ITPR2: variants seen among roughly 807,000 people sequenced by gnomAD.
ITPR2 encodes the protein inositol 1,4,5-trisphosphate receptor type 2.
ITPR2 carries 207 observed loss-of-function variants against 317.1 expected under a neutral mutation model. The observed-to-expected ratio is 0.65, with a 90% confidence interval of 0.58 to 0.73. The LOEUF is 0.73. Ranked by LOEUF, ITPR2 falls within the 30% of genes least tolerant of loss-of-function variation. The pLI is 0.00. For synonymous variants in ITPR2, 1,156 were observed against 1,149.1 expected (o/e 1.01, Z -0.12); for missense variants, 2,613 against 3,284.0 (o/e 0.80, Z 4.99).
chr12:26,385,832 A>G (rs945473055), intron 55 of ITPR2, among the ~76,000 whole-genome samples: 2 of 149,656 alleles, frequency 1.3e-5, no homozygotes, highest in African/African-American at 4.9e-5. Context: ...ACCTGCTCTC[A>G]TTGGATGCCA....
At chr12:26,578,606 TG>T in intron 34 of ITPR2, 106 bp downstream of exon 34, 1 of 969,140 alleles carries the variant, frequency 1.0e-6, no homozygotes, top group East Asian at 2.5e-5. Context: ...GAAAACATAC[TG>T]GTTTTCTTAA....
intron 5 of ITPR2, among the ~76,000 whole-genome samples, chr12:26,722,170 T>C (rs1003594889): frequency 3.3e-5 from 5 of 152,238 alleles, no homozygotes; most frequent in African/African-American, 9.6e-5. Context: ...AGTTCTTTCA[T>C]ACAAATTCTA....
At chr12:26,702,315 C>A (rs892240999) in intron 9 of ITPR2, among the ~76,000 whole-genome samples, 2 of 121,352 alleles carry the variant, frequency 1.6e-5, no homozygotes, top group Non-Finnish European at 3.2e-5. Context: ...GATCAAAAAT[C>A]TTTATCTTGT....
At chr12:26,342,994 G>C (rs751134009) in intron 55 of ITPR2, among the ~76,000 whole-genome samples, 10 of 152,032 alleles carry the variant, frequency 6.6e-5, no homozygotes, top group Non-Finnish European at 1.0e-4. Flanking sequence ...CAGGATGCTT[G>C]GTTTGGTGTC....
chr12:26,509,897 A>C lies in ITPR2; in HGVS notation c.5074-14637T>G, dbSNP rs1943285831. Among the ~76,000 whole-genome samples the C allele has an allele frequency of 4.0e-5, 6 of 150,686 alleles. No homozygotes were observed. In the Admixed American group the frequency reaches 4.0e-4, roughly 10 times the overall value. On this transcript the variant is annotated intron_variant, in intron 37 of 56. Transcript: ENST00000381340. ...GTTCACAAAATATGTTAGTTAAAAA[A>C]GCCCTCATCTTCCTAAAAAAAGATC...
intron 39 of ITPR2, among the ~76,000 whole-genome samples, chr12:26,491,675 A>G: frequency 7.0e-6 from 1 of 143,558 alleles, no homozygotes; most frequent in African/African-American, 2.8e-5. Flanking sequence ...TATGAGGGAT[A>G]TTAAGGGGGC....
intron 45 of ITPR2, among the ~76,000 whole-genome samples, chr12:26,450,196 C>T (rs961728582): frequency 6.6e-6 from 1 of 152,158 alleles, no homozygotes; most frequent in Non-Finnish European, 1.5e-5. Flanking sequence ...TTAGGACTTT[C>T]GGCTTCCAGA....
At chr12:26,534,121 T>C (rs1944019866) in intron 37 of ITPR2, among the ~76,000 whole-genome samples, 1 of 152,228 alleles carries the variant, frequency 6.6e-6, no homozygotes, top group South Asian at 2.1e-4. Flanking sequence ...GTCAGTGGCC[T>C]TCCAGAAGTA....
At position 26,340,114 on chromosome 12, in the gene ITPR2, G is replaced by A. The variant is rs889432528; in HGVS notation, c.8019+53C>T. On this transcript the variant is annotated intron_variant, in intron 56 of 56. Coordinates refer to ENST00000381340, the MANE Select transcript of ITPR2 (RefSeq NM_002223.4). ...CTGGACCCTCTGTCTCCCCTCACCG[G>A]AAGTGGTGAATGACTTTATCCCACC... 18 of 1,490,712 alleles carry A rather than the reference G, an allele frequency of 1.2e-5. No individual in the cohort carries two copies. The African/African-American group carries it at 2.4e-4, about 20-fold the overall frequency. 92.3% of individuals were successfully genotyped at this position (1,490,712 alleles called of 1,614,324 possible). A position where few individuals can be genotyped will look rare whatever the true frequency, so the allele number is the denominator to read the frequency against.
At chr12:26,521,057 G>A (rs1207642560) in intron 37 of ITPR2, among the ~76,000 whole-genome samples, 1 of 152,128 alleles carries the variant, frequency 6.6e-6, no homozygotes, top group Non-Finnish European at 1.5e-5. Flanking sequence ...CTCAGATTTT[G>A]CCCCTAAGTA....
At chr12:26,473,542 T>G (rs956053256) in intron 45 of ITPR2, among the ~76,000 whole-genome samples, 1 of 152,220 alleles carries the variant, frequency 6.6e-6, no homozygotes, top group Non-Finnish European at 1.5e-5. Flanking sequence ...TACTTTCTTC[T>G]TCTGAAACTT....
chr12:26,657,364 T>C (rs1386120386), intron 18 of ITPR2, among the ~76,000 whole-genome samples: 1 of 152,192 alleles, frequency 6.6e-6, no homozygotes, highest in Admixed American at 6.5e-5. Flanking sequence ...GCCAGATCAA[T>C]TTCCTTAGCT....
intron 21 of ITPR2, among the ~76,000 whole-genome samples, chr12:26,634,408 T>C (rs1946820166): frequency 6.6e-6 from 1 of 152,228 alleles, no homozygotes; most frequent in African/African-American, 2.4e-5. Context: ...TTAGTTAATA[T>C]TGACTGGAAA....
At chr12:26,542,171 C>T (rs1465823238) in intron 37 of ITPR2, among the ~76,000 whole-genome samples, 3 of 152,174 alleles carry the variant, frequency 2.0e-5, no homozygotes, top group South Asian at 4.1e-4. Context: ...TAGTTAATAA[C>T]GACTCAGACC....
chr12:26,364,417 A>C (rs1012231710), intron 55 of ITPR2, among the ~76,000 whole-genome samples: 1 of 152,238 alleles, frequency 6.6e-6, no homozygotes, highest in Non-Finnish European at 1.5e-5. Flanking sequence ...ATAAATGAAT[A>C]AATGAATGAA....
intron 2 of ITPR2, among the ~76,000 whole-genome samples, chr12:26,737,234 C>CTT (rs1014296011): frequency 6.7e-6 from 1 of 148,580 alleles, no homozygotes; most frequent in African/African-American, 2.5e-5. Flanking sequence ...TTCTATTTTT[C>CTT]TTTTTTTTTT....
intron 54 of ITPR2, among the ~76,000 whole-genome samples, chr12:26,388,005 G>A (rs1173183920): frequency 6.6e-6 from 1 of 152,130 alleles, no homozygotes; most frequent in Non-Finnish European, 1.5e-5. Context: ...CAGAAACTTG[G>A]ATTAAAAGAG....
chr12:26,635,004 G>GA (rs1946835333), intron 21 of ITPR2, among the ~76,000 whole-genome samples: 1 of 149,698 alleles, frequency 6.7e-6, no homozygotes, highest in African/African-American at 2.5e-5. Flanking sequence ...ATTCCCTCAA[G>GA]AAAAAAAATC....
chr12:26,530,952 T>C (rs914316657), intron 37 of ITPR2, among the ~76,000 whole-genome samples: 2 of 152,240 alleles, frequency 1.3e-5, no homozygotes, highest in Non-Finnish European at 1.5e-5. Context: ...TAAACTCTTC[T>C]ATGATTAAAT....
Sources: gnomAD v4.1 joint callset for allele counts (sites outside exome capture counted in the v4.1 genomes callset) on GRCh38, gnomAD v4.1.1 for gene constraint, MANE v1.5 for transcripts, NCBI Gene and HGNC (gene_info 2026-07-23, HGNC 2026-07-21) for gene names.